Variants in NRG1 observed in about 807,000 individuals in gnomAD.
NRG1 encodes the protein pro-neuregulin-1, membrane-bound isoform.
Under a neutral mutation model 63.8 loss-of-function variants are expected in NRG1, and 18 were observed. The observed-to-expected ratio is 0.28, with a 90% confidence interval of 0.19 to 0.42. The LOEUF (loss-of-function observed/expected upper bound fraction) is 0.42. Among genes scored for constraint, NRG1 ranks in the 10% least tolerant of loss-of-function variants. The pLI is 1.00. For synonymous variants in NRG1, 302 were observed against 301.3 expected, an observed-to-expected ratio of 1.00 and a Z score of -0.02; for missense variants, 762 against 814.7, an observed-to-expected ratio of 0.94 and a Z score of 0.79.
At chr8:32,276,465 A>G (rs2129472855) in intron 1 of NRG1, among the ~76,000 whole-genome samples, 1 of 152,256 alleles carries the variant, frequency 6.6e-6, no homozygotes, top group East Asian at 1.9e-4. Context: ...CACTTAGATT[A>G]AAGGTACTCT....
chr8:32,068,310 A>T (rs1449032427), intron 1 of NRG1, among the ~76,000 whole-genome samples: 1 of 152,168 alleles, frequency 6.6e-6, no homozygotes, highest in Non-Finnish European at 1.5e-5. Flanking sequence ...CTGAGGTGGG[A>T]TTAGTAATTG....
intron 1 of NRG1, among the ~76,000 whole-genome samples, chr8:32,344,342 C>A (rs1013175400): frequency 1.3e-5 from 1 of 74,424 alleles, no homozygotes; most frequent in East Asian, 1.1e-3. Context: ...TTCTTTCTTT[C>A]TTTCTTTCTT....
chr8:31,740,912 T>C (rs1202523478), intron 1 of NRG1, among the ~76,000 whole-genome samples: 1 of 152,044 alleles, frequency 6.6e-6, no homozygotes, highest in African/African-American at 2.4e-5. Flanking sequence ...AAAAGATACA[T>C]GCACTTGCAT....
intron 1 of NRG1, among the ~76,000 whole-genome samples, chr8:31,678,828 T>G (rs1339387695): frequency 2.0e-5 from 3 of 149,574 alleles, no homozygotes; most frequent in Non-Finnish European, 3.0e-5. Context: ...TAACTTTATA[T>G]TGATATAAAA....
chr8:32,406,693 T>A (rs1394069008), intron 1 of NRG1, among the ~76,000 whole-genome samples: 1 of 152,052 alleles, frequency 6.6e-6, no homozygotes, highest in Non-Finnish European at 1.5e-5. Flanking sequence ...TATACATAAG[T>A]CTTATTCTTT....
At chr8:31,804,489 C>G (rs951016583) in intron 1 of NRG1, among the ~76,000 whole-genome samples, 1 of 152,076 alleles carries the variant, frequency 6.6e-6, no homozygotes, top group Non-Finnish European at 1.5e-5. Context: ...TGGCCAGGAC[C>G]CCTCTTTTTA....
chr8:31,951,990 G>A (rs1803544863), intron 1 of NRG1, among the ~76,000 whole-genome samples: 2 of 152,104 alleles, frequency 1.3e-5, no homozygotes, highest in Admixed American at 6.6e-5. Flanking sequence ...TTTTAAATTT[G>A]GAACTCAGCA....
At chr8:32,266,714 C>T (rs1004145573) in intron 1 of NRG1, among the ~76,000 whole-genome samples, 29 of 152,008 alleles carry the variant, frequency 1.9e-4, no homozygotes, top group African/African-American at 7.0e-4. Context: ...AGCCCCAAAA[C>T]AGGAAAAGAA....
At chr8:32,155,420 G>C (rs1330841136) in intron 1 of NRG1, among the ~76,000 whole-genome samples, 1 of 151,960 alleles carries the variant, frequency 6.6e-6, no homozygotes, top group African/African-American at 2.4e-5. Flanking sequence ...TTTTTTCCAA[G>C]ATGAAAGGGA....
At chr8:31,734,588 T>G (rs1272634512) in intron 1 of NRG1, among the ~76,000 whole-genome samples, 1 of 152,244 alleles carries the variant, frequency 6.6e-6, no homozygotes, top group Admixed American at 6.5e-5. Context: ...TAACTGCATT[T>G]TAAATTTTAG....
At chr8:31,891,067 G>T (rs79663128) in intron 1 of NRG1, among the ~76,000 whole-genome samples, 1,843 of 152,214 alleles carry the variant, frequency 0.012, 41 homozygotes, top group African/African-American at 0.042. Context: ...AAAAACAGGA[G>T]AGTGTCTTTC....
At chr8:32,513,588 A>G (rs1259340982) in intron 1 of NRG1, among the ~76,000 whole-genome samples, 1 of 152,168 alleles carries the variant, frequency 6.6e-6, no homozygotes. Flanking sequence ...ACTTTGTTCC[A>G]GCTTTACCAT....
At chr8:32,042,406 A>G (rs1421835416) in intron 1 of NRG1, among the ~76,000 whole-genome samples, 1 of 152,122 alleles carries the variant, frequency 6.6e-6, no homozygotes, top group Non-Finnish European at 1.5e-5. Flanking sequence ...TGAGCACATC[A>G]CTGCACTCCA....
chr8:31,852,273 G>C (rs958618840), intron 1 of NRG1, among the ~76,000 whole-genome samples: 7 of 150,766 alleles, frequency 4.6e-5, no homozygotes, highest in African/African-American at 9.7e-5. Context: ...AGCACCTGTT[G>C]TTTCCTGACT....
intron 1 of NRG1, among the ~76,000 whole-genome samples, chr8:32,357,682 C>T (rs902930808): frequency 2.6e-5 from 4 of 152,088 alleles, no homozygotes; most frequent in Admixed American, 6.5e-5. Flanking sequence ...TGTGTTAATT[C>T]GCTTAATAGC....
At chr8:32,772,436 T>C (rs996051470), downstream of NRG1, among the ~76,000 whole-genome samples, 4 of 152,122 alleles carry the variant, frequency 2.6e-5, no homozygotes, top group African/African-American at 9.6e-5. Flanking sequence ...TTCATTTAAA[T>C]GAAAAACTTT....
intron 1 of NRG1, among the ~76,000 whole-genome samples, chr8:32,022,229 T>A (rs115479573): frequency 8.9e-4 from 135 of 151,896 alleles, no homozygotes; most frequent in African/African-American, 3.2e-3. Flanking sequence ...AAAGAGAGAG[T>A]TTTTTGCTTG....
chr8:32,474,867 T>C (rs1484897939), intron 1 of NRG1, among the ~76,000 whole-genome samples: 2 of 152,144 alleles, frequency 1.3e-5, no homozygotes, highest in Admixed American at 6.5e-5. Flanking sequence ...GGAAGAATGA[T>C]GCTAGGTACT....
At chr8:32,709,016 A>T (rs932636763) in intron 5 of NRG1, among the ~76,000 whole-genome samples, 5 of 152,180 alleles carry the variant, frequency 3.3e-5, no homozygotes, top group South Asian at 2.1e-4. Flanking sequence ...TCTTTTTATT[A>T]TGGAAGAAAA....
Sources: gnomAD v4.1 joint callset for allele counts (sites outside exome capture counted in the v4.1 genomes callset) on GRCh38, gnomAD v4.1.1 for gene constraint, MANE v1.5 for transcripts, NCBI Gene and HGNC (gene_info 2026-07-23, HGNC 2026-07-21) for gene names.